Variants in MRPL46 observed in about 807,000 individuals in gnomAD.
MRPL46 encodes the protein large ribosomal subunit protein mL46.
In MRPL46, 26 loss-of-function variants were observed where a neutral mutation model predicts 31.0. That is an observed-to-expected ratio of 0.84 (90% CI 0.61 to 1.16). MRPL46 has a LOEUF of 1.16. Among genes scored for constraint, MRPL46 ranks in the 50% most tolerant of loss-of-function variants. The pLI is 0.00. For synonymous variants in MRPL46, 159 were observed against 141.3 expected (o/e 1.13, Z -0.89); for missense variants, 395 against 340.0 (o/e 1.16, Z -1.27).
chr15:88,459,904 G>C (rs2055461989), intron 3 of MRPL46, 41 bp from the exon 4 acceptor site: 1 of 1,609,836 alleles, frequency 6.2e-7, no homozygotes, highest in African/African-American at 1.3e-5. Context: ...GGAAGGTAAG[G>C]ATACAGCCAT....
intron 3 of MRPL46, chr15:88,464,362 G>C: frequency 7.4e-6 from 2 of 270,604 alleles, no homozygotes; most frequent in Non-Finnish European, 1.4e-5. Context: ...CAATTCTGAG[G>C]TTTCAAGTTG....
chr15:88,464,625 T>G, intron 3 of MRPL46, 78 bp downstream of exon 3: 4 of 506,014 alleles, frequency 7.9e-6, no homozygotes, highest in East Asian at 6.8e-5. Context: ...CTTAATCCAA[T>G]TCCCCAGTCA....
At chr15:88,460,304 C>T in intron 3 of MRPL46, 1 of 172,602 alleles carries the variant, frequency 5.8e-6, no homozygotes, top group South Asian at 1.4e-4. Context: ...GTGAATCAGC[C>T]CAGTCGCTAT....
rs193209094 is a variant in MRPL46 at position 88,466,296 on chromosome 15, C to G, written c.229-523G>C. On this transcript the variant is annotated intron_variant, in intron 1 of 3. Transcript: ENST00000312475. ...AGTCTGAGGCATTCCTTGACACTCA[C>G]CATAAAATCAAAATGTGATGTATTT... 7.7e-4 allele frequency among the ~76,000 whole-genome samples: 117 copies of G among 152,308 alleles called. 1 individual carries two copies. The highest frequency in any genetic ancestry group is 2.5e-3 in the African/African-American group (103 of 41,560).
chr15:88,464,516 A>T, intron 3 of MRPL46, 187 bp downstream of exon 3: 1 of 607,744 alleles, frequency 1.6e-6, no homozygotes. Context: ...CTGGTCTAAA[A>T]ATAAAAATAA....
rs1034570647 is a variant in MRPL46, at chr15:88,467,366, G to A, written c.12C>T (p.Pro4=). The change falls in exon 1 of 4, where the codon CCC becomes CCT. Residue 4 remains proline (P), a synonymous_variant. Coordinates refer to ENST00000312475, the MANE Select transcript of MRPL46 (RefSeq NM_022163.4). The part of the protein sequence containing the change: MAA[P]VRRTLLGVAG... ...CCACCCCTAACAGCGTCCGCCTTAC[G>A]GGCGCCGCCATCTTTCGTTCTCCCA... 6 of 1,577,136 alleles carry A rather than the reference G, an allele frequency of 3.8e-6. No homozygotes were observed. Among genetic ancestry groups the A allele is most frequent in the African/African-American group, 1.4e-5 (1 of 73,722 alleles).
Position 88,465,741 on chromosome 15 carries a change from G to C in MRPL46, c.261C>G (p.His87Gln). ...IEIERSLYSDHELRALDENQR... is the reference protein window; with the variant it reads ...IEIERSLYSDQELRALDENQR... ...GGTTTTCATCCAGAGCACGAAGCTC[G>C]TGGTCTGAATACAGGCTTCTCTCTA... Residue 87 changes from histidine (H) to glutamine (Q), a missense_variant, in exon 2 of 4, where the codon CAC (histidine) becomes CAG (glutamine). His to Gln is a conservative substitution (Grantham distance 24). Coordinates refer to ENST00000312475, the MANE Select transcript of MRPL46 (RefSeq NM_022163.4). The C allele has an allele frequency of 1.2e-6, 2 of 1,612,598 alleles. No individual in the cohort carries two copies. The highest frequency in any genetic ancestry group is 8.5e-7 in the Non-Finnish European group (1 of 1,179,678).
intron 2 of MRPL46, 146 bp from the exon 3 acceptor site, chr15:88,465,022 C>T: frequency 1.3e-6 from 1 of 765,892 alleles, no homozygotes; most frequent in Non-Finnish European, 2.0e-6. Context: ...ATCTCTCTAA[C>T]TCTGACCTCT....
chr15:88,461,981 C>T (rs1432871672), intron 3 of MRPL46: 1 of 151,444 alleles, frequency 6.6e-6, no homozygotes, highest in Non-Finnish European at 1.5e-5. Context: ...CCGTTATATG[C>T]AAAAAAAGAA....
At chr15:88,460,001 C>T (rs2055462648) in intron 3 of MRPL46, 138 bp from the exon 4 acceptor site, 1 of 1,102,184 alleles carries the variant, frequency 9.1e-7, no homozygotes. Context: ...AGGACTAGAG[C>T]CATTCCTGAA....
intron 2 of MRPL46, 58 bp from the exon 3 acceptor site, chr15:88,464,934 C>T (rs903560988): frequency 6.5e-7 from 1 of 1,549,224 alleles, no homozygotes; most frequent in African/African-American, 1.4e-5. Context: ...AACCAAGAAA[C>T]CTGGAGTTTT....
At chr15:88,465,274 G>T in intron 2 of MRPL46, 1 of 426,856 alleles carries the variant, frequency 2.3e-6, no homozygotes, top group East Asian at 3.5e-5. Flanking sequence ...CTTTAAGAGG[G>T]ATTTCACATA....
intron 3 of MRPL46, chr15:88,464,376 G>A: frequency 3.5e-6 from 1 of 283,338 alleles, no homozygotes; most frequent in Non-Finnish European, 6.7e-6. Flanking sequence ...CAAGTTGAGT[G>A]AACAGATAAG....
rs773158619 is a variant in MRPL46 at position 88,465,789 on chromosome 15, G to C, written c.229-16C>G. 17 of 1,545,660 alleles carry C rather than the reference G, an allele frequency of 1.1e-5. 1 individual carries two copies. The South Asian group carries it at 2.0e-4, about 18-fold the overall frequency. ...CTATCTCAATCTGGGAAAATTCAAA[G>C]GGCAAAAAACTACCTTAATCTGGCA... On this transcript the variant is annotated splice_polypyrimidine_tract_variant and intron_variant, in intron 1 of 3. Coordinates refer to ENST00000312475, the MANE Select transcript of MRPL46 (RefSeq NM_022163.4).
intron 3 of MRPL46, 49 bp from the exon 4 acceptor site, chr15:88,459,912 C>T: frequency 1.2e-6 from 2 of 1,605,538 alleles, no homozygotes; most frequent in Admixed American, 1.7e-5. Flanking sequence ...AGGATACAGC[C>T]ATCTGTTTAC....
In MRPL46 at chr15:88,465,682, T is replaced by C. The variant is rs772964408; in HGVS notation, c.320A>G (p.Asp107Gly). The C allele has an allele frequency of 1.2e-6, 2 of 1,614,074 alleles. No homozygotes were observed. The highest frequency in any genetic ancestry group is 8.5e-7 in the Non-Finnish European group (1 of 1,180,020). The change falls in exon 2 of 4, where the codon GAT becomes GGT. Residue 107 changes from aspartate (D) to glycine (G), a missense_variant. By Grantham distance (94) the Asp-to-Gly change is moderately conservative (BLOSUM62 -1). Coordinates refer to ENST00000312475, the MANE Select transcript of MRPL46 (RefSeq NM_022163.4). ...RLAKKKADLH[D>G]EEDEQDILLA... ...CAATATATCCTGTTCATCTTCTTCA[T>C]CATGAAGGTCAGCTTTCTTCTTTGC... is the stretch of plus-strand genomic sequence containing the variant.
chr15:88,463,324 A>G lies in MRPL46; in HGVS notation c.589+1379T>C, dbSNP rs947506537. ...TTTAGTCAACATTCAACAAATGCCT[A>G]TGTGCCAGGTACTTTGCTGAAAGCT... On this transcript the variant is annotated intron_variant, in intron 3 of 3. Transcript: ENST00000312475. The surrounding 1 kb of genome is among the most constrained non-coding windows in gnomAD (Gnocchi z 5.4). 2.6e-5 allele frequency: 4 copies of G among 152,376 alleles called. No homozygotes were observed. Among genetic ancestry groups the G allele is most frequent in the African/African-American group, 4.8e-5 (2 of 41,594 alleles). 9.4% of individuals were successfully genotyped at this position (152,376 alleles called of 1,614,324 possible). A position where few individuals can be genotyped will look rare whatever the true frequency, so the allele number is the denominator to read the frequency against.
chr15:88,459,556 T>A lies in MRPL46; in HGVS notation c.*57A>T. 6.2e-7 allele frequency: 1 copy of A among 1,605,246 alleles called. No homozygotes were observed. The highest frequency in any genetic ancestry group is 2.2e-5 in the East Asian group (1 of 44,794). On this transcript the variant is annotated 3_prime_UTR_variant, in exon 4 of 4. Coordinates refer to ENST00000312475, the MANE Select transcript of MRPL46 (RefSeq NM_022163.4). ...GCAAATGTGAGGCAATCACACAATG[T>A]CCTTGAGGCTCTAATCCCAGACTTG...
At chr15:88,466,238 A>G (rs2055530855) in intron 1 of MRPL46, among the ~76,000 whole-genome samples, 1 of 152,252 alleles carries the variant, frequency 6.6e-6, no homozygotes, top group African/African-American at 2.4e-5. Context: ...TCAGAGAGAC[A>G]TTTCTCATAA....
Sources: gnomAD v4.1 joint callset for allele counts (sites outside exome capture counted in the v4.1 genomes callset) on GRCh38, gnomAD v4.1.1 for gene constraint, Gnocchi (gnomAD v3.1) non-coding constraint, MANE v1.5 for transcripts, NCBI Gene and HGNC (gene_info 2026-07-23, HGNC 2026-07-21) for gene names.